The following ADGRL3 variants were observed in gnomAD, a reference collection of about 807,000 sequenced individuals.
ADGRL3 encodes adhesion G protein-coupled receptor L3.
A neutral mutation model predicts 153.5 loss-of-function variants in ADGRL3; 62 were observed. The observed-to-expected ratio is 0.40, with a 90% CI of 0.33 to 0.50. ADGRL3 has a LOEUF of 0.50. ADGRL3 is among the 20% of genes least tolerant of loss of function. The pLI is 0.47. For synonymous variants in ADGRL3, 710 were observed against 672.5 expected (o/e 1.06, Z -0.86); for missense variants, 1,641 against 1,859.4 (o/e 0.88, Z 2.16).
chr4:61,795,232 A>G (rs889780746), intron 8 of ADGRL3, among the ~76,000 whole-genome samples: 1 of 152,112 alleles, frequency 6.6e-6, no homozygotes, highest in African/African-American at 2.4e-5. Flanking sequence ...GGCTCAAACA[A>G]TTCTCCCATC....
intron 4 of ADGRL3, among the ~76,000 whole-genome samples, chr4:61,553,990 G>A (rs1050458429): frequency 3.3e-5 from 5 of 151,760 alleles, no homozygotes; most frequent in East Asian, 1.9e-4. Context: ...CCTACCTGCC[G>A]GAGAACAGAG....
At chr4:61,517,117 T>C (rs1275447464) in intron 3 of ADGRL3, among the ~76,000 whole-genome samples, 198 bp from the exon 4 acceptor site, 1 of 151,322 alleles carries the variant, frequency 6.6e-6, no homozygotes, top group Non-Finnish European at 1.5e-5. Flanking sequence ...AGTGTTTAAC[T>C]AGGATAGCAT....
At chr4:61,459,366 A>C (rs142784017) in intron 2 of ADGRL3, among the ~76,000 whole-genome samples, 1 of 151,982 alleles carries the variant, frequency 6.6e-6, no homozygotes, top group Non-Finnish European at 1.5e-5. Context: ...GAAAAATGCT[A>C]TGGAGGAAAA....
chr4:61,715,196 C>T (rs1475946504), intron 6 of ADGRL3, among the ~76,000 whole-genome samples: 1 of 152,164 alleles, frequency 6.6e-6, no homozygotes, highest in African/African-American at 2.4e-5. Context: ...AAATCTGCTT[C>T]TTTCTTACAT....
In ADGRL3 at chr4:61,317,416, A is replaced by G. The variant is rs1034994260; in HGVS notation, c.-239-65708A>G. 5.3e-5 allele frequency among the ~76,000 whole-genome samples: 8 copies of G among 152,320 alleles called. No homozygotes were observed. The East Asian group carries it at 1.4e-3, about 26-fold the overall frequency. Reference sequence around the variant, plus strand: ...AAAGATCAATAGGATCTTTACAAACACTTTTCACATGTATTTCAAAGAGTG... The same window carrying G: ...AAAGATCAATAGGATCTTTACAAACGCTTTTCACATGTATTTCAAAGAGTG... On this transcript the variant is annotated intron_variant, in intron 1 of 26. Transcript: ENST00000683033.
intron 1 of ADGRL3, among the ~76,000 whole-genome samples, chr4:61,312,534 A>G (rs2095052295): frequency 6.6e-6 from 1 of 152,180 alleles, no homozygotes; most frequent in African/African-American, 2.4e-5. Flanking sequence ...ACATACAAAA[A>G]CTTCTTAAAA....
At chr4:61,397,148 G>A (rs1374505959) in intron 2 of ADGRL3, among the ~76,000 whole-genome samples, 1 of 151,620 alleles carries the variant, frequency 6.6e-6, no homozygotes, top group African/African-American at 2.4e-5. Flanking sequence ...ATTTATAATT[G>A]TTACCAAATT....
At chr4:61,337,877 ACT>A (rs910488280) in intron 1 of ADGRL3, among the ~76,000 whole-genome samples, 21 of 151,092 alleles carry the variant, frequency 1.4e-4, no homozygotes, top group Non-Finnish European at 3.0e-5. Context: ...TTAAACACAT[ACT>A]CTCTCTCTCT....
At chr4:61,845,889 C>T (rs1179709274) in intron 9 of ADGRL3, among the ~76,000 whole-genome samples, 1 of 152,148 alleles carries the variant, frequency 6.6e-6, no homozygotes, top group African/African-American at 2.4e-5. Flanking sequence ...TTCCTACTAG[C>T]AATTGCTTAC....
intron 8 of ADGRL3, among the ~76,000 whole-genome samples, chr4:61,804,958 TA>T (rs1283456796): frequency 2.2e-4 from 32 of 147,544 alleles, no homozygotes; most frequent in African/African-American, 7.8e-4. Flanking sequence ...TATTTTTATT[TA>T]TTTATTTTTT....
At chr4:61,623,408 T>C (rs1293325520) in intron 5 of ADGRL3, among the ~76,000 whole-genome samples, 1 of 152,008 alleles carries the variant, frequency 6.6e-6, no homozygotes, top group Non-Finnish European at 1.5e-5. Context: ...AAGATTGTGT[T>C]CAAGCAGAAG....
chr4:61,256,040 T>C (rs534101787), intron 1 of ADGRL3, among the ~76,000 whole-genome samples: 1 of 152,326 alleles, frequency 6.6e-6, no homozygotes, highest in East Asian at 1.9e-4. Context: ...ACTTTGCACG[T>C]CCTTTCAAAA....
At chr4:61,244,780 G>A (rs377043315) in intron 1 of ADGRL3, among the ~76,000 whole-genome samples, 1 of 151,908 alleles carries the variant, frequency 6.6e-6, no homozygotes, top group East Asian at 1.9e-4. Context: ...TAGACAAATT[G>A]GTCATTTTCA....
chr4:61,726,309 C>G (rs1285980297), intron 6 of ADGRL3, among the ~76,000 whole-genome samples: 1 of 151,202 alleles, frequency 6.6e-6, no homozygotes, highest in Non-Finnish European at 1.5e-5. Context: ...AGTGATTCTT[C>G]TGCCTCAGCC....
rs550660513 is a variant in ADGRL3 at position 61,609,084 on chromosome 4, A to T, written c.473+21644A>T. Reference sequence around the variant, plus strand: ...GTGTTTATGTAGATAAGCCTTATCAACTGTGAAGCTATTAACTGTAAAAAG... The same window carrying T: ...GTGTTTATGTAGATAAGCCTTATCATCTGTGAAGCTATTAACTGTAAAAAG... On this transcript the variant is annotated intron_variant, in intron 5 of 26. Coordinates refer to ENST00000683033, the MANE Select transcript of ADGRL3 (RefSeq NM_001387552.1). Among the ~76,000 whole-genome samples, 12 of 152,290 alleles carry T rather than the reference A, an allele frequency of 7.9e-5. No individual in the cohort carries two copies. In the East Asian group the frequency reaches 2.1e-3, roughly 27 times the overall value.
chr4:61,744,215 C>T (rs918205535), intron 8 of ADGRL3, among the ~76,000 whole-genome samples: 15 of 152,152 alleles, frequency 9.9e-5, no homozygotes, highest in African/African-American at 2.9e-4. Flanking sequence ...CAGGGAAACT[C>T]GAACTGGGAG....
At chr4:61,236,506 A>C (rs1247273196) in intron 1 of ADGRL3, among the ~76,000 whole-genome samples, 1 of 152,184 alleles carries the variant, frequency 6.6e-6, no homozygotes, top group Admixed American at 6.5e-5. Flanking sequence ...ACTCTTTACT[A>C]CATATGAATA....
chr4:61,606,310 T>A (rs2099032190), intron 5 of ADGRL3, among the ~76,000 whole-genome samples: 1 of 152,226 alleles, frequency 6.6e-6, no homozygotes, highest in Non-Finnish European at 1.5e-5. Context: ...GCTTGCTTAT[T>A]ATGTCAAGAG....
chr4:62,037,869 T>G lies in ADGRL3; in HGVS notation c.3717+13T>G. 1.2e-6 allele frequency: 2 copies of G among 1,613,552 alleles called. No homozygotes were observed. The highest frequency in any genetic ancestry group is 1.3e-5 in the African/African-American group (1 of 75,032). ...CACAGGCTCACAGGTAAACAATATT[T>G]GTTCACTGAAATGAAGTAATTCTTA... On this transcript the variant is annotated intron_variant, in intron 24 of 26. Coordinates refer to ENST00000683033, the MANE Select transcript of ADGRL3 (RefSeq NM_001387552.1).
Sources: gnomAD v4.1 joint callset for allele counts (sites outside exome capture counted in the v4.1 genomes callset) on GRCh38, gnomAD v4.1.1 for gene constraint, MANE v1.5 for transcripts, NCBI Gene and HGNC (gene_info 2026-07-23, HGNC 2026-07-21) for gene names.